FREM3: variants seen among roughly 807,000 people sequenced by gnomAD.
The protein encoded by FREM3 is FRAS1-related extracellular matrix protein 3.
FREM3 carries 105 observed loss-of-function variants against 129.1 expected under a neutral mutation model. That is an observed-to-expected ratio of 0.81 (90% CI 0.69 to 0.96). The LOEUF (loss-of-function observed/expected upper bound fraction) is 0.96, where lower values mean the gene tolerates loss of function less well. FREM3 is among the 40% of genes least tolerant of loss of function. The pLI is 0.00. For missense variants in FREM3, 2,593 were observed against 2,666.3 expected (o/e 0.97, Z 0.61); for synonymous variants, 1,014 against 1,044.9 (o/e 0.97, Z 0.57).
chr4:143,612,139 T>G (rs1265948558), intron 5 of FREM3, among the ~76,000 whole-genome samples: 3 of 152,238 alleles, frequency 2.0e-5, no homozygotes, highest in Non-Finnish European at 4.4e-5. Context: ...AATGCACAGT[T>G]TGAAGAGTTT....
At position 143,698,509 on chromosome 4, in the gene FREM3, A is replaced by G. The variant is rs1282883563; in HGVS notation, c.2167T>C (p.Phe723Leu). 17 of 1,537,552 alleles carry G rather than the reference A, an allele frequency of 1.1e-5. No homozygotes were observed. Among genetic ancestry groups the G allele is most frequent in the Non-Finnish European group, 1.4e-5 (16 of 1,147,024 alleles). Residue 723 changes from phenylalanine to leucine, a missense_variant, in exon 1 of 8, where the codon TTC becomes CTC. Around this residue, in one of 2 missense-constraint regions of FREM3, gnomAD observed 2,276 missense variants for 2,267.2 expected, o/e 1.00. Coordinates refer to ENST00000329798, the MANE Select transcript of FREM3 (RefSeq NM_001168235.2). ...MTVQEYQLTH[F>L]QKNFLRYIDQ... ...ATGTATCGGAGGAAATTCTTCTGGAAGTGAGTGAGTTGGTATTCTTGTACA... is the reference window on the plus strand; with the variant it reads ...ATGTATCGGAGGAAATTCTTCTGGAGGTGAGTGAGTTGGTATTCTTGTACA...
chr4:143,685,193 C>T (rs1044687316), intron 2 of FREM3, among the ~76,000 whole-genome samples: 5 of 152,106 alleles, frequency 3.3e-5, no homozygotes. Context: ...CACCTAGGCA[C>T]ATTGTCATCA....
chr4:143,659,019 T>G (rs1395165893), intron 2 of FREM3, among the ~76,000 whole-genome samples: 1 of 133,130 alleles, frequency 7.5e-6, no homozygotes, highest in Admixed American at 8.0e-5. Context: ...GGTCTCAGAT[T>G]ATAGGTTATT....
At chr4:143,618,960 C>T (rs1738901829) in intron 5 of FREM3, among the ~76,000 whole-genome samples, 1 of 152,120 alleles carries the variant, frequency 6.6e-6, no homozygotes, top group South Asian at 2.1e-4. Flanking sequence ...ATCACTTAGC[C>T]AAACAATGCA....
At chr4:143,674,169 A>G (rs6854636) in intron 2 of FREM3, among the ~76,000 whole-genome samples, 11,060 of 151,994 alleles carry the variant, frequency 0.073, 1,073 homozygotes, top group African/African-American at 0.21. Context: ...GAAATCACCC[A>G]TCTTCTGCAG....
chr4:143,651,346 A>T lies in FREM3; in HGVS notation c.5276-23586T>A, dbSNP rs142348679. On this transcript the variant is annotated intron_variant, in intron 2 of 7. Coordinates refer to ENST00000329798, the MANE Select transcript of FREM3 (RefSeq NM_001168235.2). ...GAATCAAGCAAGATAGAGACTTTTG[A>T]TTTCCTATGAATTCAATAGGAACTC... Among the ~76,000 whole-genome samples the T allele has an allele frequency of 2.6e-3, 399 of 152,350 alleles. 3 individuals carry two copies. The highest frequency in any genetic ancestry group is 9.1e-3 in the African/African-American group (379 of 41,582).
intron 2 of FREM3, among the ~76,000 whole-genome samples, chr4:143,662,999 C>T (rs1195800805): frequency 1.3e-5 from 2 of 152,068 alleles, no homozygotes; most frequent in African/African-American, 2.4e-5. Context: ...GATGGGTTTC[C>T]TGAATACAGC....
intron 6 of FREM3, among the ~76,000 whole-genome samples, chr4:143,595,082 AT>A (rs1738442746): frequency 1.3e-5 from 2 of 152,266 alleles, no homozygotes; most frequent in Non-Finnish European, 2.9e-5. Flanking sequence ...TAAAATTATC[AT>A]TTAAAATGAG....
chr4:143,690,260 G>A (rs1368415122), intron 2 of FREM3, among the ~76,000 whole-genome samples: 1 of 152,162 alleles, frequency 6.6e-6, no homozygotes. Flanking sequence ...AGCACAGGCA[G>A]TTTCTCAAAG....
At chr4:143,608,307 T>C (rs1008814722) in intron 6 of FREM3, among the ~76,000 whole-genome samples, 2 of 152,170 alleles carry the variant, frequency 1.3e-5, no homozygotes, top group Non-Finnish European at 2.9e-5. Flanking sequence ...CAAACACTAA[T>C]ATTTTGGTTA....
intron 1 of FREM3, among the ~76,000 whole-genome samples, chr4:143,693,613 A>G (rs906205348): frequency 6.6e-6 from 1 of 152,232 alleles, no homozygotes; most frequent in Admixed American, 6.5e-5. Flanking sequence ...CACCCTCAAA[A>G]TATAAATCAT....
chr4:143,579,979 A>T (rs1738103126), intron 7 of FREM3, among the ~76,000 whole-genome samples: 1 of 152,200 alleles, frequency 6.6e-6, no homozygotes, highest in Non-Finnish European at 1.5e-5. Context: ...TATCTAAAGG[A>T]ATCTAAATTT....
rs1260153412 is a variant in FREM3 at position 143,666,272 on chromosome 4, C to G, written c.5275+26841G>C. ...TGCAAAAACCAATTATATTACAACA[C>G]AATTATTAGGATATTAAAAAAATTC... On this transcript the variant is annotated intron_variant, in intron 2 of 7. Transcript: ENST00000329798. Among the ~76,000 whole-genome samples the G allele has an allele frequency of 2.6e-5, 4 of 152,030 alleles. 1 individual carries two copies. The highest frequency in any genetic ancestry group is 5.9e-5 in the Non-Finnish European group (4 of 67,994).
At chr4:143,626,232 A>T (rs147786016) in intron 3 of FREM3, among the ~76,000 whole-genome samples, 26 of 152,324 alleles carry the variant, frequency 1.7e-4, no homozygotes, top group Non-Finnish European at 3.7e-4. Flanking sequence ...GGTGACTACC[A>T]TATGCCCCAT....
chr4:143,626,014 C>T (rs1047103756), intron 3 of FREM3, among the ~76,000 whole-genome samples: 2 of 152,146 alleles, frequency 1.3e-5, no homozygotes, highest in African/African-American at 2.4e-5. Flanking sequence ...AGCAGGAAGT[C>T]GAACTCCACC....
At chr4:143,624,046 T>G in intron 4 of FREM3, 62 bp downstream of exon 4, 1 of 925,940 alleles carries the variant, frequency 1.1e-6, no homozygotes. Context: ...GAAGTATGAA[T>G]GCTGGAAATG....
Position 143,577,832 on chromosome 4 carries a change from T to C in FREM3, c.6199A>G (p.Ile2067Val), listed in dbSNP as rs1227535690. ...GGAGCAAAGTCCAGGTTTCGGCTGA[T>C]ACCAACATAATCTGTTCCAGCTAGT... ...SAEAGTDYVG[I>V]SRNLDFAPGV... is the part of the protein sequence containing the mutation. Residue 2067 changes from isoleucine to valine, a missense_variant, in exon 8 of 8, where the codon ATC becomes GTC. Ile to Val is a conservative substitution (Grantham distance 29, BLOSUM62 3). This residue lies in a region of FREM3 where 317 missense variants were observed against 399.0 expected (regional missense o/e 0.79). Coordinates refer to ENST00000329798, the MANE Select transcript of FREM3 (RefSeq NM_001168235.2). The C allele has an allele frequency of 6.5e-7, 1 of 1,537,112 alleles. No individual in the cohort carries two copies. The highest frequency in any genetic ancestry group is 1.4e-5 in the African/African-American group (1 of 73,056).
chr4:143,690,198 T>C (rs1446421785), intron 2 of FREM3, among the ~76,000 whole-genome samples: 1 of 152,126 alleles, frequency 6.6e-6, no homozygotes, highest in Non-Finnish European at 1.5e-5. Context: ...CTCATAATAA[T>C]TCTAAGGAAC....
intron 2 of FREM3, among the ~76,000 whole-genome samples, chr4:143,668,581 T>C (rs1402378981): frequency 6.6e-6 from 1 of 152,250 alleles, no homozygotes; most frequent in Admixed American, 6.5e-5. Context: ...GAAATTTTAT[T>C]GCCACTGACT....
Sources: gnomAD v4.1 joint callset for allele counts (sites outside exome capture counted in the v4.1 genomes callset) on GRCh38, gnomAD v4.1.1 for gene constraint, gnomAD v4.1.1 regional missense constraint, MANE v1.5 for transcripts, NCBI Gene and HGNC (gene_info 2026-07-23, HGNC 2026-07-21) for gene names.